CAMK1D: variants seen among roughly 807,000 people sequenced by gnomAD.
CAMK1D encodes calcium/calmodulin dependent protein kinase ID, also known as calcium/calmodulin-dependent protein kinase type 1D.
A neutral mutation model predicts 47.7 loss-of-function variants in CAMK1D; 9 were observed. That is an observed-to-expected ratio of 0.19 (90% CI 0.11 to 0.33). CAMK1D has a LOEUF of 0.33. CAMK1D is among the 10% of genes least tolerant of loss of function. The probability of loss-of-function intolerance (pLI) is 1.00; values close to 1 mark genes in which losing one functional copy is unlikely to be tolerated. For synonymous variants in CAMK1D, 184 were observed against 184.9 expected (o/e 0.99, Z 0.04); for missense variants, 291 against 488.7 (o/e 0.60, Z 3.81).
intron 1 of CAMK1D, among the ~76,000 whole-genome samples, chr10:12,496,428 G>C (rs533423248): frequency 1.3e-5 from 2 of 152,168 alleles, no homozygotes; most frequent in East Asian, 3.9e-4. Context: ...TGGCATGATT[G>C]CATGGTCCTA....
At chr10:12,534,168 G>GTCTA (rs3995719) in intron 1 of CAMK1D, among the ~76,000 whole-genome samples, 210 of 151,388 alleles carry the variant, frequency 1.4e-3, no homozygotes, top group Admixed American at 8.7e-3. Context: ...CTATCTATCT[G>GTCTA]TCTATCTATC....
At chr10:12,702,674 C>T (rs1193141230) in intron 3 of CAMK1D, among the ~76,000 whole-genome samples, 1 of 152,154 alleles carries the variant, frequency 6.6e-6, no homozygotes, top group Non-Finnish European at 1.5e-5. Flanking sequence ...GAGAAGGAAC[C>T]ATGTGCACAG....
intron 1 of CAMK1D, among the ~76,000 whole-genome samples, chr10:12,534,851 A>G (rs1835919075): frequency 6.6e-6 from 1 of 151,932 alleles, no homozygotes; most frequent in African/African-American, 2.4e-5. Context: ...CAGGCGGTGA[A>G]CTAGAATGGC....
intron 1 of CAMK1D, among the ~76,000 whole-genome samples, chr10:12,521,469 G>A (rs1346441969): frequency 6.6e-6 from 1 of 151,916 alleles, no homozygotes; most frequent in Non-Finnish European, 1.5e-5. Flanking sequence ...CATACTTTGT[G>A]ATTTTTTTTA....
chr10:12,658,627 C>T (rs913672872), intron 2 of CAMK1D, among the ~76,000 whole-genome samples: 1 of 152,192 alleles, frequency 6.6e-6, no homozygotes, highest in African/African-American at 2.4e-5. Flanking sequence ...TGGGCACACA[C>T]ACAAATGGCT....
intron 1 of CAMK1D, among the ~76,000 whole-genome samples, chr10:12,524,535 G>T (rs892016953): frequency 6.6e-6 from 1 of 151,862 alleles, no homozygotes; most frequent in African/African-American, 2.4e-5. Context: ...GTGAAAACCC[G>T]TCTCTACTAA....
In CAMK1D at chr10:12,541,568, T is replaced by C. The variant is rs556899724; in HGVS notation, c.93-11657T>C. Among the ~76,000 whole-genome samples, 34 of 151,842 alleles carry C rather than the reference T, an allele frequency of 2.2e-4. No individual in the cohort carries two copies. The South Asian group carries it at 3.3e-3, about 15-fold the overall frequency. Reference sequence around the variant, plus strand: ...TAGAGACAGGGTTTCACCATGTTGGTCAGGCTGGTCTCGAACTCCTGAGCT... The same window carrying C: ...TAGAGACAGGGTTTCACCATGTTGGCCAGGCTGGTCTCGAACTCCTGAGCT... On this transcript the variant is annotated intron_variant, in intron 1 of 10. Transcript: ENST00000619168.
At chr10:12,517,849 A>G (rs958627696) in intron 1 of CAMK1D, among the ~76,000 whole-genome samples, 2 of 152,158 alleles carry the variant, frequency 1.3e-5, no homozygotes, top group Non-Finnish European at 1.5e-5. Flanking sequence ...CCAGCAGTGT[A>G]TAACTTTTAA....
chr10:12,711,506 T>C (rs1393471697), intron 3 of CAMK1D, among the ~76,000 whole-genome samples: 2 of 152,220 alleles, frequency 1.3e-5, no homozygotes, highest in Admixed American at 6.5e-5. Flanking sequence ...CATTTTATGT[T>C]CATTTATATT....
At chr10:12,695,069 T>C (rs1833225223) in intron 3 of CAMK1D, among the ~76,000 whole-genome samples, 2 of 138,674 alleles carry the variant, frequency 1.4e-5, no homozygotes, top group African/African-American at 5.1e-5. Context: ...GATAGATACA[T>C]AGGTAGATAC....
At chr10:12,734,858 G>A (rs2895525) in intron 3 of CAMK1D, among the ~76,000 whole-genome samples, 135,479 of 152,124 alleles carry the variant, frequency 0.89, 61,916 homozygotes, top group Non-Finnish European at 0.99. Context: ...GGCAGAAAAA[G>A]TAGCTCATTA....
chr10:12,581,467 G>GT (rs1837661575), intron 2 of CAMK1D, among the ~76,000 whole-genome samples: 1 of 152,120 alleles, frequency 6.6e-6, no homozygotes, highest in Non-Finnish European at 1.5e-5. Context: ...TCTCCACACT[G>GT]TTTTCCATAG....
chr10:12,614,944 C>T lies in CAMK1D; in HGVS notation c.225-51792C>T, dbSNP rs146464547. Among the ~76,000 whole-genome samples the T allele has an allele frequency of 2.5e-3, 377 of 152,278 alleles. 2 individuals carry two copies. Among genetic ancestry groups the T allele is most frequent in the African/African-American group, 7.8e-3 (324 of 41,558 alleles). The stretch of plus-strand genomic sequence containing the variant: ...TGTTCAAATTATAACCCAGTGTGGC[C>T]CAGCAAGCACATTACCAGCTAATCA... On this transcript the variant is annotated intron_variant, in intron 2 of 10. Coordinates refer to ENST00000619168, the MANE Select transcript of CAMK1D (RefSeq NM_153498.4).
intron 2 of CAMK1D, among the ~76,000 whole-genome samples, chr10:12,575,066 C>T (rs533963220): frequency 6.6e-6 from 1 of 152,034 alleles, no homozygotes; most frequent in Non-Finnish European, 1.5e-5. Context: ...GATCCAACCC[C>T]TATCACTCCT....
chr10:12,616,571 G>T (rs1838826195), intron 2 of CAMK1D, among the ~76,000 whole-genome samples: 1 of 152,168 alleles, frequency 6.6e-6, no homozygotes, highest in Non-Finnish European at 1.5e-5. Flanking sequence ...AGGCTGGGGT[G>T]CAGTGGTGTG....
intron 3 of CAMK1D, among the ~76,000 whole-genome samples, chr10:12,685,909 G>C (rs1316244473): frequency 1.3e-5 from 2 of 152,268 alleles, no homozygotes; most frequent in Middle Eastern, 3.4e-3. Flanking sequence ...TGCCTTTTCT[G>C]CTCTGCCCTT....
At chr10:12,569,129 A>G (rs1430424418) in intron 2 of CAMK1D, among the ~76,000 whole-genome samples, 6 of 152,160 alleles carry the variant, frequency 3.9e-5, no homozygotes, top group Non-Finnish European at 8.8e-5. Context: ...TGGCAATGAA[A>G]CTTTTCAGGG....
intron 2 of CAMK1D, among the ~76,000 whole-genome samples, chr10:12,587,830 T>C (rs965861073): frequency 6.6e-6 from 1 of 152,200 alleles, no homozygotes; most frequent in African/African-American, 2.4e-5. Context: ...TTGTTTTTTT[T>C]AGATGTATGA....
intron 1 of CAMK1D, among the ~76,000 whole-genome samples, chr10:12,447,116 T>A (rs930265024): frequency 2.6e-5 from 4 of 152,236 alleles, no homozygotes; most frequent in Admixed American, 6.5e-5. Flanking sequence ...TGTCTTTTTT[T>A]ACTGAGTATA....
Sources: allele counts gnomAD v4.1 joint callset (sites outside exome capture counted in the v4.1 genomes callset), GRCh38; gene constraint gnomAD v4.1.1; transcripts MANE v1.5; gene names NCBI Gene and HGNC (gene_info 2026-07-23, HGNC 2026-07-21).